The following PAPOLA variants were observed in gnomAD, a reference collection of about 807,000 sequenced individuals.
The protein encoded by PAPOLA is poly(A) polymerase alpha.
A neutral mutation model predicts 100.6 loss-of-function variants in PAPOLA; 15 were observed. The observed-to-expected ratio is 0.15, with a 90% CI of 0.10 to 0.23. The LOEUF (loss-of-function observed/expected upper bound fraction) is 0.23, where lower values mean the gene tolerates loss of function less well. Among genes scored for constraint, PAPOLA ranks in the 10% least tolerant of loss-of-function variants. PAPOLA has a pLI of 1.00. For missense variants in PAPOLA, 533 were observed against 884.2 expected (o/e 0.60, Z 5.04); for synonymous variants, 293 against 300.0 (o/e 0.98, Z 0.24).
intron 11 of PAPOLA, 141 bp downstream of exon 11, chr14:96,536,140 A>G (rs774619948): frequency 1.8e-6 from 1 of 567,312 alleles, no homozygotes; most frequent in Non-Finnish European, 2.8e-6. Flanking sequence ...TACAGTATAT[A>G]TTTGAGAACT....
intron 1 of PAPOLA, among the ~76,000 whole-genome samples, chr14:96,513,068 T>G (rs972206280): frequency 6.6e-6 from 1 of 152,168 alleles, no homozygotes; most frequent in Non-Finnish European, 1.5e-5. Flanking sequence ...TATTGTTTGT[T>G]TTTTGCTTTT....
At position 96,555,866 on chromosome 14, in the gene PAPOLA, G is replaced by A; in HGVS notation, c.1684G>A (p.Ala562Thr). 1 of 1,599,496 alleles carries A rather than the reference G, an allele frequency of 6.3e-7. No individual in the cohort carries two copies. Among genetic ancestry groups the A allele is most frequent in the East Asian group, 2.2e-5 (1 of 44,678 alleles). ...SSQGRNSPAP[A>T]VTAASVTNIQ... Reference sequence around the variant, plus strand: ...TTTTAGCAGAAACAGTCCTGCTCCAGCTGTAACAGCAGCATCTGTGACCAA... The same window carrying A: ...TTTTAGCAGAAACAGTCCTGCTCCAACTGTAACAGCAGCATCTGTGACCAA... The change falls in exon 18 of 22, where the codon GCT becomes ACT. Residue 562 changes from alanine to threonine, a missense_variant. This residue lies in a region of PAPOLA where 242 missense variants were observed against 281.0 expected (regional missense o/e 0.86). Transcript: ENST00000216277.
At position 96,544,173 on chromosome 14, in the gene PAPOLA, G is replaced by A; in HGVS notation, c.1314G>A (p.Val438=). The A allele has an allele frequency of 6.2e-7, 1 of 1,605,146 alleles. No individual in the cohort carries two copies. Among genetic ancestry groups the A allele is most frequent in the Non-Finnish European group, 8.5e-7 (1 of 1,172,130 alleles). The part of the protein sequence containing the change: ...PDKEEFRTMW[V]IGLVFKKTEN... ...GGGAAGAATTTCGCACGATGTGGGT[G>A]ATTGGGTTAGTGTTTAAAAAAACAG... Residue 438 remains valine (V), a synonymous_variant, in exon 15 of 22, where the codon GTG becomes GTA. Coordinates refer to ENST00000216277, the MANE Select transcript of PAPOLA (RefSeq NM_032632.5).
intron 12 of PAPOLA, among the ~76,000 whole-genome samples, chr14:96,539,633 G>A (rs1899816671): frequency 6.6e-6 from 1 of 152,032 alleles, no homozygotes; most frequent in Admixed American, 6.5e-5. Flanking sequence ...ATTGCATCAA[G>A]ACTTCAAAGT....
chr14:96,557,643 C>A (rs905775802), intron 19 of PAPOLA, among the ~76,000 whole-genome samples: 2 of 147,680 alleles, frequency 1.4e-5, no homozygotes, highest in South Asian at 2.1e-4. Context: ...GGAAAAAAAA[C>A]CCCTCTAGAT....
In PAPOLA at chr14:96,556,327, A is replaced by G. The variant is rs1165103093; in HGVS notation, c.1918A>G (p.Thr640Ala). 4 of 1,614,042 alleles carry G rather than the reference A, an allele frequency of 2.5e-6. No individual in the cohort carries two copies. The African/African-American group carries it at 4.0e-5, about 16-fold the overall frequency. ...GNAATSGNAATKIPTPIVGVK... is the reference protein window; with the variant it reads ...GNAATSGNAAAKIPTPIVGVK... The stretch of plus-strand genomic sequence containing the variant: ...TGCAGCAACTTCAGGAAATGCAGCA[A>G]CAAAAATACCTACTCCTATAGTAGG... The change falls in exon 19 of 22, where the codon ACA becomes GCA. Residue 640 changes from threonine (T) to alanine (A), a missense_variant. By Grantham distance (58) the Thr-to-Ala change is moderately conservative. Transcript: ENST00000216277.
At chr14:96,540,665 T>C (rs1899908342) in intron 12 of PAPOLA, among the ~76,000 whole-genome samples, 1 of 152,202 alleles carries the variant, frequency 6.6e-6, no homozygotes, top group South Asian at 2.1e-4. Flanking sequence ...GTAAAGGAAG[T>C]ATTGGTTTGT....
chr14:96,544,362 C>T (rs898590099), intron 15 of PAPOLA, 104 bp downstream of exon 15: 12 of 622,392 alleles, frequency 1.9e-5, no homozygotes, highest in Middle Eastern at 3.6e-4. Context: ...AAATTACTTG[C>T]GAATATTGAA....
At chr14:96,531,404 G>GT in intron 6 of PAPOLA, 71 bp from the exon 7 acceptor site, 1 of 1,239,190 alleles carries the variant, frequency 8.1e-7, no homozygotes, top group South Asian at 1.5e-5. Flanking sequence ...TTTTTTGTTT[G>GT]TTTGTTTTTT....
In PAPOLA at chr14:96,542,861, G is replaced by A. The variant is rs1900101912; in HGVS notation, c.1257G>A (p.Gln419=). Reference sequence around the variant, plus strand: ...TTACACTGGCTCATGTGAATCCCCAGTCATTTCCAGCACCCAAAGAAAATC... The same window carrying A: ...TTACACTGGCTCATGTGAATCCCCAATCATTTCCAGCACCCAAAGAAAATC... ...EFITLAHVNP[Q]SFPAPKENPD... is the part of the protein sequence containing the mutation. The change falls in exon 14 of 22, where the codon CAG becomes CAA. Residue 419 remains glutamine, a synonymous_variant. Coordinates refer to ENST00000216277, the MANE Select transcript of PAPOLA (RefSeq NM_032632.5). The A allele has an allele frequency of 6.2e-7, 1 of 1,612,104 alleles. No homozygotes were observed. The highest frequency in any genetic ancestry group is 8.5e-7 in the Non-Finnish European group (1 of 1,179,454).
chr14:96,558,119 T>C (rs997205901), intron 19 of PAPOLA, among the ~76,000 whole-genome samples: 18 of 145,212 alleles, frequency 1.2e-4, no homozygotes, highest in African/African-American at 4.4e-4. Flanking sequence ...ATTTTCATCA[T>C]TGGTTGTACA....
intron 16 of PAPOLA, among the ~76,000 whole-genome samples, chr14:96,550,093 A>G (rs1363049016): frequency 6.6e-6 from 1 of 152,186 alleles, no homozygotes; most frequent in African/African-American, 2.4e-5. Context: ...GGCTGCAGTG[A>G]ACTTATGATT....
At chr14:96,510,239 A>G (rs998587135) in intron 1 of PAPOLA, among the ~76,000 whole-genome samples, 1 of 152,146 alleles carries the variant, frequency 6.6e-6, no homozygotes, top group African/African-American at 2.4e-5. Flanking sequence ...GAAACATTTA[A>G]ATTACATTTC....
At chr14:96,509,467 T>G (rs1424681888) in intron 1 of PAPOLA, among the ~76,000 whole-genome samples, 2 of 152,254 alleles carry the variant, frequency 1.3e-5, no homozygotes, top group East Asian at 1.9e-4. Flanking sequence ...TAACATATAG[T>G]GTATACTTGT....
At chr14:96,529,826 A>T (rs1338664874) in intron 6 of PAPOLA, among the ~76,000 whole-genome samples, 1 of 152,226 alleles carries the variant, frequency 6.6e-6, no homozygotes, top group Admixed American at 6.5e-5. Context: ...AGGGATAACT[A>T]CCAAAGCTGT....
intron 7 of PAPOLA, chr14:96,531,960 T>A: frequency 8.0e-7 from 1 of 1,255,960 alleles, no homozygotes; most frequent in Non-Finnish European, 1.0e-6. Flanking sequence ...CAATTTTATA[T>A]TAGCATAGCT....
chr14:96,534,045 T>C (rs1899305362), intron 9 of PAPOLA: 1 of 988,048 alleles, frequency 1.0e-6, no homozygotes, highest in South Asian at 4.6e-5. Context: ...CTTACCACTT[T>C]TAAGTCATGA....
intron 1 of PAPOLA, among the ~76,000 whole-genome samples, chr14:96,503,775 T>G (rs1202552557): frequency 3.3e-5 from 5 of 152,192 alleles, no homozygotes; most frequent in Non-Finnish European, 2.9e-5. Context: ...GATAATTTCT[T>G]TAGCACATAA....
chr14:96,536,647 T>C (rs1566852853), intron 11 of PAPOLA, among the ~76,000 whole-genome samples: 1 of 152,002 alleles, frequency 6.6e-6, no homozygotes, highest in Non-Finnish European at 1.5e-5. Flanking sequence ...ACAGGGAAAC[T>C]TGGTTTTAGA....
Sources: allele counts gnomAD v4.1 joint callset (sites outside exome capture counted in the v4.1 genomes callset), GRCh38; gene constraint gnomAD v4.1.1; regional missense constraint gnomAD v4.1.1; transcripts MANE v1.5; gene names NCBI Gene and HGNC (gene_info 2026-07-23, HGNC 2026-07-21).